Variants in CASKIN1 observed in about 807,000 individuals in gnomAD.
CASKIN1 encodes caskin-1.
Under a neutral mutation model 117.5 loss-of-function variants are expected in CASKIN1, and 42 were observed. The ratio of observed to expected loss-of-function variants is 0.36; its 90% CI spans 0.28 to 0.46. CASKIN1 has a LOEUF of 0.46. Among genes scored for constraint, CASKIN1 ranks in the 20% least tolerant of loss-of-function variants. The probability of loss-of-function intolerance (pLI) is 1.00; values close to 1 mark genes in which losing one functional copy is unlikely to be tolerated. For missense variants in CASKIN1, 2,083 were observed against 2,077.3 expected (o/e 1.00, Z -0.05); for synonymous variants, 1,148 against 961.7 (o/e 1.19, Z -3.59).
At chr16:2,186,274 G>A (rs779506426) in intron 10 of CASKIN1, among the ~76,000 whole-genome samples, 20 of 152,168 alleles carry the variant, frequency 1.3e-4, no homozygotes, top group Admixed American at 3.3e-4. Context: ...TGGCGCCGCC[G>A]GCTTTTAACG....
Position 2,184,840 on chromosome 16 carries a change from G to A in CASKIN1, c.1353C>T (p.Ala451=), listed in dbSNP as rs767934546. The A allele has an allele frequency of 1.9e-5, 29 of 1,559,602 alleles. No homozygotes were observed. The highest frequency in any genetic ancestry group is 2.3e-5 in the Non-Finnish European group (26 of 1,152,476). Residue 451 remains alanine, a synonymous_variant, in exon 14 of 20, where the codon GCC becomes GCT. Coordinates refer to ENST00000343516, the MANE Select transcript of CASKIN1 (RefSeq NM_020764.4). ...GCTCCCCATAGACCTGCCCGGCGTGGGCCACTGGAGGCTGGGACCGGGCCA... is the reference window on the plus strand; with the variant it reads ...GCTCCCCATAGACCTGCCCGGCGTGAGCCACTGGAGGCTGGGACCGGGCCA... The part of the protein sequence containing the change: ...AGVARSQPPV[A]HAGQVYGEQP...
At chr16:2,191,148 G>A (rs991222456) in intron 1 of CASKIN1, among the ~76,000 whole-genome samples, 3 of 152,226 alleles carry the variant, frequency 2.0e-5, no homozygotes, top group Non-Finnish European at 4.4e-5. Flanking sequence ...TATCTGGGCC[G>A]TGGTTACATA....
Position 2,187,002 on chromosome 16 carries a change from G to A in CASKIN1, c.906C>T (p.Asn302=), listed in dbSNP as rs747916987. The A allele has an allele frequency of 4.3e-6, 7 of 1,613,720 alleles. No individual in the cohort carries two copies. The highest frequency in any genetic ancestry group is 2.2e-5 in the South Asian group (2 of 91,086). ...YCNNYDLTSL[N]VKAGDIITVL... is the part of the protein sequence containing the mutation. ...CTGTGATGATGTCCCCTGCCTTCAC[G>A]TTGAGGCTGGTCAGGTCGTAATTGT... Residue 302 remains asparagine, a synonymous_variant, in exon 9 of 20, where the codon AAC becomes AAT. Coordinates refer to ENST00000343516, the MANE Select transcript of CASKIN1 (RefSeq NM_020764.4).
Position 2,179,054 on chromosome 16 carries a change from GGCGGCGGCGGCGGCTC to G in CASKIN1, c.4031_4046del (p.Arg1344ProfsTer101). Reference sequence around the variant, plus strand: ...CGGGGGGCGCGGCGGCGGCGGCGGCGGCGGCGGCGGCGGCTCGCGGGGGCTTGGCGGGCACGTGCAG... The same window carrying G: ...CGGGGGGCGCGGCGGCGGCGGCGGCGGCGGGGGCTTGGCGGGCACGTGCAG... On this transcript the variant is annotated frameshift_variant, in exon 19 of 20. Coordinates refer to ENST00000343516, the MANE Select transcript of CASKIN1 (RefSeq NM_020764.4). LOFTEE classifies it high-confidence loss of function. The surrounding 1 kb of genome is among the most constrained non-coding windows in gnomAD (Gnocchi z 5.8). 1.0e-6 allele frequency: 1 copy of G among 1,003,180 alleles called. No individual in the cohort carries two copies. Among genetic ancestry groups the G allele is most frequent in the Non-Finnish European group, 1.2e-6 (1 of 843,514 alleles). 62.1% of individuals were successfully genotyped at this position (1,003,180 alleles called of 1,614,324 possible).
Position 2,189,164 on chromosome 16 carries a change from G to A in CASKIN1, c.487-7C>T, listed in dbSNP as rs1266003446. 1 of 1,612,622 alleles carries A rather than the reference G, an allele frequency of 6.2e-7. No homozygotes were observed. ...TGAGGAGCAGCTGGACCACCTTGAA[G>A]GAGGGGTCAGGGTAGGGGGGTCCTG... On this transcript the variant is annotated splice_polypyrimidine_tract_variant and splice_region_variant and intron_variant, in intron 5 of 19. Transcript: ENST00000343516.
chr16:2,187,328 C>T (rs777061153), intron 7 of CASKIN1, 25 bp downstream of exon 7: 6 of 1,613,130 alleles, frequency 3.7e-6, no homozygotes, highest in African/African-American at 1.3e-5. Context: ...CCACTGGGCC[C>T]AGCGCCCCTG....
intron 10 of CASKIN1, 38 bp from the exon 11 acceptor site, chr16:2,185,446 C>T (rs753680802): frequency 3.8e-5 from 58 of 1,529,724 alleles, no homozygotes; most frequent in Middle Eastern, 3.5e-4. Flanking sequence ...CCTGGGCCAG[C>T]GATGGCGGGT....
chr16:2,191,151 G>C (rs562095710), intron 1 of CASKIN1, among the ~76,000 whole-genome samples: 1 of 152,214 alleles, frequency 6.6e-6, no homozygotes, highest in East Asian at 1.9e-4. Flanking sequence ...CTGGGCCGTG[G>C]TTACATAACC....
rs754121399 is a variant in CASKIN1, at chr16:2,179,945, G to A, written c.3423C>T (p.Ile1141=). The change falls in exon 18 of 20, where the codon ATC becomes ATT. Residue 1141 remains isoleucine, a synonymous_variant. Transcript: ENST00000343516. This position sits in a 1 kb window ranked among gnomAD's most constrained non-coding sequence, Gnocchi z 5.8. The part of the protein sequence containing the change: ...KQNQQENVKF[I]LTESDTVKRR... ...GCTTGACCGTGTCAGACTCGGTCAG[G>A]ATGAACTTGACGTTCTCCTGCTGGT... is the stretch of plus-strand genomic sequence containing the variant. 2.5e-6 allele frequency: 4 copies of A among 1,606,440 alleles called. No individual in the cohort carries two copies. The highest frequency in any genetic ancestry group is 1.7e-5 in the Admixed American group (1 of 59,302).
chr16:2,195,971 G>T (rs947325787), intron 1 of CASKIN1, among the ~76,000 whole-genome samples: 2 of 147,834 alleles, frequency 1.4e-5, no homozygotes, highest in African/African-American at 5.2e-5. Flanking sequence ...GCGTGTGGTG[G>T]GTGGGGGGGG....
At chr16:2,185,242 G>A in intron 11 of CASKIN1, 43 bp from the exon 12 acceptor site, 1 of 1,604,384 alleles carries the variant, frequency 6.2e-7, no homozygotes, top group Non-Finnish European at 8.5e-7. Flanking sequence ...GCCGGCCCCT[G>A]CCTGGCCCCA....
chr16:2,191,110 C>T (rs2093200425), intron 1 of CASKIN1, among the ~76,000 whole-genome samples: 1 of 152,178 alleles, frequency 6.6e-6, no homozygotes. Flanking sequence ...GGGCTCTAGT[C>T]CAAGCAGACT....
In CASKIN1 at chr16:2,187,085, G is replaced by T; in HGVS notation, c.836-13C>A. The T allele has an allele frequency of 2.5e-6, 4 of 1,613,380 alleles. No homozygotes were observed. Among genetic ancestry groups the T allele is most frequent in the Non-Finnish European group, 3.4e-6 (4 of 1,179,838 alleles). On this transcript the variant is annotated splice_polypyrimidine_tract_variant and intron_variant, in intron 8 of 19. Coordinates refer to ENST00000343516, the MANE Select transcript of CASKIN1 (RefSeq NM_020764.4). The stretch of plus-strand genomic sequence containing the variant: ...GCCGCTGAGGCCTCTGGGGATACAG[G>T]AGGGGGCCCCCGAAGTCCTGCGGGC...
intron 6 of CASKIN1, chr16:2,188,794 G>A: frequency 3.6e-6 from 2 of 557,266 alleles, no homozygotes; most frequent in Non-Finnish European, 6.2e-6. Flanking sequence ...ACCTCCTCGA[G>A]CACACCCAGG....
At chr16:2,190,729 G>T (rs1207486290) in intron 1 of CASKIN1, among the ~76,000 whole-genome samples, 1 of 152,222 alleles carries the variant, frequency 6.6e-6, no homozygotes, top group Non-Finnish European at 1.5e-5. Flanking sequence ...CCAATGGTGG[G>T]AGGGAGAGAG....
rs1396827217 is a variant in CASKIN1 at position 2,179,264 on chromosome 16, T to C, written c.3837A>G (p.Thr1279=). The C allele has an allele frequency of 8.3e-7, 1 of 1,209,332 alleles. No individual in the cohort carries two copies. The highest frequency in any genetic ancestry group is 1.0e-6 in the Non-Finnish European group (1 of 975,060). The allele number at this position is 1,209,332 out of a possible 1,614,324, so 74.9% of individuals were successfully genotyped here. ...CGACCGCCTTGACGGGCTTGGGCGC[T>C]GTGGGCGGCGGCGGCGGCTTGGGAG... ...PVSPKPPPPP[T]APKPVKAVAG... is the part of the protein sequence containing the mutation. The change falls in exon 19 of 20, where the codon ACA becomes ACG. Residue 1279 remains threonine, a synonymous_variant. Coordinates refer to ENST00000343516, the MANE Select transcript of CASKIN1 (RefSeq NM_020764.4). The surrounding 1 kb of genome is among the most constrained non-coding windows in gnomAD (Gnocchi z 5.8).
chr16:2,184,903 C>A (rs185182678), intron 13 of CASKIN1, 35 bp from the exon 14 acceptor site: 4 of 1,578,726 alleles, frequency 2.5e-6, no homozygotes, highest in Non-Finnish European at 3.5e-6. Context: ...CAAGGGCTGT[C>A]GGGCTGCTTT....
intron 1 of CASKIN1, among the ~76,000 whole-genome samples, chr16:2,194,666 T>TACACC (rs1169582450): frequency 6.6e-6 from 1 of 152,128 alleles, no homozygotes; most frequent in African/African-American, 2.4e-5. Context: ...TCTGATTTAT[T>TACACC]ACACCCGCCC....
At chr16:2,189,662 A>C in intron 3 of CASKIN1, 98 bp from the exon 4 acceptor site, 1 of 1,218,120 alleles carries the variant, frequency 8.2e-7, no homozygotes, top group Non-Finnish European at 1.1e-6. Context: ...CCCAAGTCCA[A>C]CCCTGGGGGG....
Sources: gnomAD v4.1 joint callset for allele counts (sites outside exome capture counted in the v4.1 genomes callset) on GRCh38, gnomAD v4.1.1 for gene constraint, Gnocchi (gnomAD v3.1) non-coding constraint, MANE v1.5 for transcripts, NCBI Gene and HGNC (gene_info 2026-07-23, HGNC 2026-07-21) for gene names.